Variants in FOXO3 observed in about 807,000 individuals in gnomAD.
FOXO3 encodes forkhead box protein O3.
In FOXO3, 4 loss-of-function variants were observed where a neutral mutation model predicts 41.9. The observed-to-expected ratio is 0.10, with a 90% CI of 0.05 to 0.22. The LOEUF (loss-of-function observed/expected upper bound fraction) is 0.22. FOXO3 is among the 10% of genes least tolerant of loss of function. The probability of loss-of-function intolerance (pLI) is 1.00; values close to 1 mark genes in which losing one functional copy is unlikely to be tolerated. For synonymous variants in FOXO3, 318 were observed against 389.3 expected, an observed-to-expected ratio of 0.82 and a Z score of 2.16; for missense variants, 534 against 906.8, an observed-to-expected ratio of 0.59 and a Z score of 5.28.
intron 1 of FOXO3, among the ~76,000 whole-genome samples, chr6:108,634,407 C>G (rs897794692): frequency 9.9e-5 from 15 of 152,092 alleles, no homozygotes; most frequent in Non-Finnish European, 1.9e-4. Context: ...GGGATGATGA[C>G]CCCCTTCCCT....
chr6:108,601,327 A>G (rs1396511948), intron 1 of FOXO3, among the ~76,000 whole-genome samples: 1 of 149,192 alleles, frequency 6.7e-6, no homozygotes, highest in Non-Finnish European at 1.5e-5. Context: ...TTTTTGAGAC[A>G]GAGTCTTGCT....
chr6:108,674,010 A>C (rs1156967546), intron 2 of FOXO3, among the ~76,000 whole-genome samples: 1 of 152,222 alleles, frequency 6.6e-6, no homozygotes, highest in African/African-American at 2.4e-5. Flanking sequence ...AAAGGATAGG[A>C]GAAGATAAAC....
intron 1 of FOXO3, among the ~76,000 whole-genome samples, chr6:108,590,016 A>C (rs1776692041): frequency 6.6e-6 from 1 of 152,220 alleles, no homozygotes; most frequent in African/African-American, 2.4e-5. Context: ...AAAGGATATC[A>C]TGTTCAGTGC....
intron 1 of FOXO3, among the ~76,000 whole-genome samples, chr6:108,573,938 G>A (rs1194621421): frequency 6.6e-6 from 1 of 151,688 alleles, no homozygotes; most frequent in East Asian, 1.9e-4. Flanking sequence ...TGGATCATGA[G>A]GTCAGGAGTT....
At chr6:108,672,617 G>A (rs756898424) in intron 2 of FOXO3, among the ~76,000 whole-genome samples, 16 of 152,266 alleles carry the variant, frequency 1.1e-4, no homozygotes, top group African/African-American at 2.9e-4. Flanking sequence ...ACTTAGTCAC[G>A]AAGTCTCAGA....
intron 1 of FOXO3, among the ~76,000 whole-genome samples, chr6:108,580,343 C>G (rs908888266): frequency 2.6e-5 from 4 of 151,968 alleles, no homozygotes; most frequent in Non-Finnish European, 5.9e-5. Flanking sequence ...TGCCCACCAT[C>G]GTGCTCGGCT....
chr6:108,582,236 T>C (rs1776441241), intron 1 of FOXO3, among the ~76,000 whole-genome samples: 1 of 152,158 alleles, frequency 6.6e-6, no homozygotes, highest in Non-Finnish European at 1.5e-5. Context: ...TTAGGTGAAA[T>C]CTAGGGACCA....
At chr6:108,564,724 C>T (rs1315174992) in intron 1 of FOXO3, among the ~76,000 whole-genome samples, 2 of 151,946 alleles carry the variant, frequency 1.3e-5, no homozygotes, top group Non-Finnish European at 2.9e-5. Context: ...CTGAAAAATA[C>T]AAATACCCAG....
intron 1 of FOXO3, among the ~76,000 whole-genome samples, chr6:108,572,213 TGAGGG>T (rs926851949): frequency 6.6e-6 from 1 of 152,160 alleles, no homozygotes; most frequent in Non-Finnish European, 1.5e-5. Flanking sequence ...AGTCTGTCTT[TGAGGG>T]GAGGGGAGGG....
At position 108,571,445 on chromosome 6, in the gene FOXO3, T is replaced by C. The variant is rs141561432; in HGVS notation, c.621+9616T>C. Among the ~76,000 whole-genome samples, 303 of 152,314 alleles carry C rather than the reference T, an allele frequency of 2.0e-3. 1 individual carries two copies. The highest frequency in any genetic ancestry group is 7.0e-3 in the African/African-American group (289 of 41,558). ...CTGGAACTTTAGAATGGTGACCTTATTGGGAAATAGGATCTTTCCTGAAGT... is the reference window on the plus strand; with the variant it reads ...CTGGAACTTTAGAATGGTGACCTTACTGGGAAATAGGATCTTTCCTGAAGT... On this transcript the variant is annotated intron_variant, in intron 1 of 2. Transcript: ENST00000406360.
In FOXO3 at chr6:108,561,068, T is replaced by A; in HGVS notation, c.-141T>A. On this transcript the variant is annotated 5_prime_UTR_variant, in exon 1 of 3. Coordinates refer to ENST00000406360, the MANE Select transcript of FOXO3 (RefSeq NM_001455.4). Reference sequence around the variant, plus strand: ...GGGATAACCAACTCTCCTTCTCTCTTCTTTGGTGCTTCCCCAGGCGGCGGC... The same window carrying A: ...GGGATAACCAACTCTCCTTCTCTCTACTTTGGTGCTTCCCCAGGCGGCGGC... 7.0e-7 allele frequency: 1 copy of A among 1,425,456 alleles called. No homozygotes were observed. Among genetic ancestry groups the A allele is most frequent in the East Asian group, 3.0e-5 (1 of 33,308 alleles). The allele number at this position is 1,425,456 out of a possible 1,614,324, so 88.3% of individuals were successfully genotyped here.
Position 108,561,451 on chromosome 6 carries a change from C to G in FOXO3, c.243C>G (p.Gly81=), listed in dbSNP as rs773318007. ...CCGGCTCGGCCATGGCGATCGGCGG[C>G]GGCGGCGGGAGCGGCACGCTGGGCT... The part of the protein sequence containing the change: ...GRAGSAMAIG[G]GGGSGTLGSG... Residue 81 remains glycine (G), a synonymous_variant, in exon 1 of 3, where the codon GGC becomes GGG. Coordinates refer to ENST00000406360, the MANE Select transcript of FOXO3 (RefSeq NM_001455.4). 64 of 1,511,478 alleles carry G rather than the reference C, an allele frequency of 4.2e-5. No individual in the cohort carries two copies. Among genetic ancestry groups the G allele is most frequent in the Non-Finnish European group, 5.0e-5 (57 of 1,142,552 alleles). The allele number at this position is 1,511,478 out of a possible 1,614,324, so 93.6% of individuals were successfully genotyped here. A position where few individuals can be genotyped will look rare whatever the true frequency, so the allele number is the denominator to read the frequency against.
Position 108,664,435 on chromosome 6 carries a change from C to T in FOXO3, c.1602C>T (p.Leu534=), listed in dbSNP as rs756056869. Residue 534 remains leucine, a synonymous_variant, in exon 2 of 3, where the codon CTC becomes CTT. Coordinates refer to ENST00000406360, the MANE Select transcript of FOXO3 (RefSeq NM_001455.4). The stretch of plus-strand genomic sequence containing the variant: ...GAAGTTTGGTCAATCAGAACTTGCT[C>T]CACCACCAGCACCAAACCCAGGGCG... The part of the protein sequence containing the change: ...NQGSLVNQNL[L]HHQHQTQGAL... The T allele has an allele frequency of 1.4e-5, 23 of 1,613,480 alleles. No individual in the cohort carries two copies. The South Asian group carries it at 2.4e-4, about 17-fold the overall frequency.
chr6:108,682,770 G>A lies in FOXO3; in HGVS notation c.*2978G>A, dbSNP rs1292975625. The A allele has an allele frequency of 1.3e-5, 2 of 152,252 alleles. No individual in the cohort carries two copies. The highest frequency in any genetic ancestry group is 4.8e-5 in the African/African-American group (2 of 41,452). The allele number at this position is 152,252 out of a possible 1,614,324, so 9.4% of individuals were successfully genotyped here. A position where few individuals can be genotyped will look rare whatever the true frequency, so the allele number is the denominator to read the frequency against. ...CTGGAGCATATCAGCAGAATGCTTA[G>A]CCTCAAGGGGCCTGGCAGCTGTAAT... On this transcript the variant is annotated 3_prime_UTR_variant, in exon 3 of 3. Transcript: ENST00000406360.
intron 1 of FOXO3, among the ~76,000 whole-genome samples, chr6:108,595,108 C>G (rs1466252933): frequency 6.6e-6 from 1 of 152,132 alleles, no homozygotes; most frequent in Non-Finnish European, 1.5e-5. Context: ...GGTGTGACTT[C>G]TACTCTTTCT....
intron 1 of FOXO3, among the ~76,000 whole-genome samples, chr6:108,594,965 A>G (rs1483926487): frequency 2.0e-5 from 3 of 152,170 alleles, no homozygotes; most frequent in Non-Finnish European, 4.4e-5. Context: ...TGTCAGGGAC[A>G]ATGTGTGATT....
At chr6:108,621,599 G>T (rs1777666004) in intron 1 of FOXO3, among the ~76,000 whole-genome samples, 1 of 152,040 alleles carries the variant, frequency 6.6e-6, no homozygotes, top group African/African-American at 2.4e-5. Flanking sequence ...ACCCAGGCTG[G>T]TGTGCAGTGC....
At chr6:108,571,736 A>T (rs1325259230) in intron 1 of FOXO3, among the ~76,000 whole-genome samples, 2 of 152,222 alleles carry the variant, frequency 1.3e-5, no homozygotes, top group Non-Finnish European at 2.9e-5. Flanking sequence ...TTGGACTTCT[A>T]GCCTCCAGGA....
rs763423429 is a variant in FOXO3 at position 108,663,490 on chromosome 6, A to G, written c.657A>G (p.Arg219=). ...GGCACAACCTGTCACTGCATAGTCG[A>G]TTCATGCGGGTCCAGAATGAGGGAA... ...SIRHNLSLHS[R]FMRVQNEGTG... The change falls in exon 2 of 3, where the codon CGA becomes CGG. Residue 219 remains arginine, a synonymous_variant. Coordinates refer to ENST00000406360, the MANE Select transcript of FOXO3 (RefSeq NM_001455.4). 6.2e-7 allele frequency: 1 copy of G among 1,607,804 alleles called. No individual in the cohort carries two copies. The highest frequency in any genetic ancestry group is 8.5e-7 in the Non-Finnish European group (1 of 1,176,838).
Sources: gnomAD v4.1 joint callset for allele counts (sites outside exome capture counted in the v4.1 genomes callset) on GRCh38, gnomAD v4.1.1 for gene constraint, MANE v1.5 for transcripts, NCBI Gene and HGNC (gene_info 2026-07-23, HGNC 2026-07-21) for gene names.